The following AFF4 variants were observed in gnomAD, a reference collection of about 807,000 sequenced individuals.
The protein encoded by AFF4 is AF4/FMR2 family member 4.
AFF4 carries 13 observed loss-of-function variants against 124.8 expected under a neutral mutation model. That is an observed-to-expected ratio of 0.10 (90% CI 0.07 to 0.17). AFF4 has a LOEUF of 0.17. Ranked by LOEUF, AFF4 falls within the 10% of genes least tolerant of loss-of-function variation. The probability of loss-of-function intolerance (pLI) is 1.00; values close to 1 mark genes in which losing one functional copy is unlikely to be tolerated. For missense variants in AFF4, 1,092 were observed against 1,403.8 expected (o/e 0.78, Z 3.55); for synonymous variants, 477 against 496.1 (o/e 0.96, Z 0.51).
chr5:132,962,882 G>C (rs367703729), intron 1 of AFF4, among the ~76,000 whole-genome samples: 2 of 151,412 alleles, frequency 1.3e-5, no homozygotes, highest in African/African-American at 4.9e-5. Context: ...GAACTAGCTG[G>C]GTAATGTTAG....
intron 4 of AFF4, among the ~76,000 whole-genome samples, chr5:132,931,441 A>T (rs761079071): frequency 8.5e-5 from 13 of 152,170 alleles, no homozygotes; most frequent in Admixed American, 7.9e-4. Context: ...GAAAAAATAA[A>T]TGTGCAAAAC....
intron 1 of AFF4, among the ~76,000 whole-genome samples, chr5:132,954,654 T>G (rs1454103170): frequency 6.7e-6 from 1 of 149,210 alleles, no homozygotes; most frequent in Non-Finnish European, 1.5e-5. Context: ...TTCACGCCAT[T>G]CTCCTGCCTC....
intron 4 of AFF4, among the ~76,000 whole-genome samples, chr5:132,931,165 A>G (rs4705872): frequency 0.36 from 54,167 of 150,684 alleles, 10,222 homozygotes; most frequent in East Asian, 0.59. Context: ...CTATAATCCC[A>G]GCACTTTGGG....
intron 20 of AFF4, among the ~76,000 whole-genome samples, chr5:132,882,833 A>T (rs567174040): frequency 6.8e-6 from 1 of 148,148 alleles, no homozygotes; most frequent in Non-Finnish European, 1.5e-5. Flanking sequence ...CAGCCTGGGC[A>T]ACAAAAGCGA....
intron 13 of AFF4, among the ~76,000 whole-genome samples, chr5:132,890,051 A>G (rs906373780): frequency 6.6e-6 from 1 of 152,112 alleles, no homozygotes; most frequent in African/African-American, 2.4e-5. Flanking sequence ...TTTCCATAAT[A>G]AAACACCATA....
intron 20 of AFF4, 81 bp downstream of exon 20, chr5:132,883,259 G>C (rs1242339095): frequency 4.6e-6 from 6 of 1,291,436 alleles, no homozygotes; most frequent in African/African-American, 4.4e-5. Flanking sequence ...ACTAAATACA[G>C]ACTAAACGCT....
chr5:132,927,280 G>A, intron 4 of AFF4, 73 bp from the exon 5 acceptor site: 1 of 1,300,734 alleles, frequency 7.7e-7, no homozygotes, highest in Non-Finnish European at 1.1e-6. Context: ...AACCAGATTT[G>A]TATTTATAAA....
chr5:132,917,063 G>C (rs1204295350), intron 5 of AFF4, among the ~76,000 whole-genome samples: 1 of 152,124 alleles, frequency 6.6e-6, no homozygotes, highest in East Asian at 1.9e-4. Context: ...TGGGATTACA[G>C]CCATGTGCCA....
At chr5:132,908,660 C>T (rs927088844) in intron 5 of AFF4, among the ~76,000 whole-genome samples, 2 of 150,266 alleles carry the variant, frequency 1.3e-5, no homozygotes, top group African/African-American at 4.9e-5. Context: ...ACTAAAAATA[C>T]ATAAACAATG....
At chr5:132,916,389 C>T (rs182034105) in intron 5 of AFF4, among the ~76,000 whole-genome samples, 208 of 151,122 alleles carry the variant, frequency 1.4e-3, no homozygotes, top group African/African-American at 4.8e-3. Context: ...ATCATGAGAC[C>T]CTGTTTCCAT....
intron 1 of AFF4, among the ~76,000 whole-genome samples, chr5:132,959,127 ATTTT>A (rs70974064): frequency 7.0e-6 from 1 of 143,244 alleles, no homozygotes; most frequent in Admixed American, 7.0e-5. Flanking sequence ...CAGGTTACAG[ATTTT>A]TTTTTTTTTT....
At chr5:132,936,266 C>CAAAAAA (rs747936348) in intron 2 of AFF4, among the ~76,000 whole-genome samples, 2 of 45,444 alleles carry the variant, frequency 4.4e-5, no homozygotes, top group African/African-American at 8.8e-5. Flanking sequence ...GACTCCGTCT[C>CAAAAAA]AAAAAAAAAA....
chr5:132,935,101 T>C (rs1457276532), intron 2 of AFF4, among the ~76,000 whole-genome samples, 160 bp from the exon 3 acceptor site: 2 of 152,052 alleles, frequency 1.3e-5, no homozygotes, highest in Non-Finnish European at 2.9e-5. Flanking sequence ...ACTCCAAATA[T>C]ATCATTTCTG....
intron 1 of AFF4, among the ~76,000 whole-genome samples, chr5:132,962,939 T>C (rs1306711599): frequency 6.6e-6 from 1 of 151,824 alleles, no homozygotes; most frequent in Non-Finnish European, 1.5e-5. Flanking sequence ...AATTTGAAAT[T>C]GAGGAGGATA....
In AFF4 at chr5:132,876,584, C is replaced by T. The variant is rs2150057863; in HGVS notation, c.*4475G>A. The T allele has an allele frequency of 4.8e-6, 1 of 206,792 alleles. No individual in the cohort carries two copies. Among genetic ancestry groups the T allele is most frequent in the East Asian group, 7.3e-5 (1 of 13,626 alleles). 12.8% of individuals were successfully genotyped at this position (206,792 alleles called of 1,614,324 possible). ...AGTCAACTTCTTTACATGATGACTA[C>T]TTAGGCTGCTATTTTAGGATACTTA... On this transcript the variant is annotated 3_prime_UTR_variant, in exon 21 of 21. Transcript: ENST00000265343.
At chr5:132,952,977 T>C (rs1006497287) in intron 1 of AFF4, among the ~76,000 whole-genome samples, 1 of 152,136 alleles carries the variant, frequency 6.6e-6, no homozygotes, top group African/African-American at 2.4e-5. Flanking sequence ...CTTTCTCTTC[T>C]GAAATACAAA....
intron 1 of AFF4, chr5:132,942,871 C>G (rs1314152466): frequency 1.0e-5 from 2 of 192,678 alleles, no homozygotes; most frequent in Non-Finnish European, 2.2e-5. Flanking sequence ...GCATGAGGAT[C>G]GCTTGAGCTC....
intron 1 of AFF4, among the ~76,000 whole-genome samples, chr5:132,961,444 T>A (rs1049354747): frequency 6.6e-6 from 1 of 152,130 alleles, no homozygotes; most frequent in African/African-American, 2.4e-5. Context: ...CTAGAACTCC[T>A]GACCTCAGGT....
intron 5 of AFF4, 154 bp downstream of exon 5, chr5:132,926,965 AAC>A (rs1761187205): frequency 1.7e-6 from 1 of 605,976 alleles, no homozygotes; most frequent in African/African-American, 1.9e-5. Context: ...TTATCTTCAT[AAC>A]AGTTGTCACT....
Sources: gnomAD v4.1 joint callset for allele counts (sites outside exome capture counted in the v4.1 genomes callset) on GRCh38, gnomAD v4.1.1 for gene constraint, MANE v1.5 for transcripts, NCBI Gene and HGNC (gene_info 2026-07-23, HGNC 2026-07-21) for gene names.